The following MED13 variants were observed in gnomAD, a reference collection of about 807,000 sequenced individuals.
MED13 encodes the protein mediator complex subunit 13, also known as mediator of RNA polymerase II transcription subunit 13.
In MED13, 23 loss-of-function variants were observed where a neutral mutation model predicts 225.2. The ratio of observed to expected loss-of-function variants is 0.10; its 90% CI spans 0.07 to 0.14. The LOEUF (loss-of-function observed/expected upper bound fraction) is 0.14. Among genes scored for constraint, MED13 ranks in the 10% least tolerant of loss-of-function variants. The pLI is 1.00. For synonymous variants in MED13, 942 were observed against 889.2 expected (o/e 1.06, Z -1.06); for missense variants, 2,197 against 2,594.5 (o/e 0.85, Z 3.33).
At chr17:62,059,020 CAG>C (rs1328913255) in intron 2 of MED13, among the ~76,000 whole-genome samples, 1 of 152,152 alleles carries the variant, frequency 6.6e-6, no homozygotes, top group African/African-American at 2.4e-5. Context: ...GGAATCTGAA[CAG>C]ATTCTTCAGA....
Position 62,010,858 on chromosome 17 carries a change from T to G in MED13, c.1659A>C (p.Ser553=). ...GATAAAAATGTTGACTCTGAGGAGT[T>G]GAAGGTGTTTTAGTCACTCCTTCAT... The part of the protein sequence containing the change: ...VVDEGVTKTP[S]TPQSQHFYQM... The change falls in exon 9 of 30, where the codon TCA becomes TCC. Residue 553 remains serine (S), a synonymous_variant. Transcript: ENST00000397786. The G allele has an allele frequency of 1.2e-6, 2 of 1,614,266 alleles. No individual in the cohort carries two copies. The highest frequency in any genetic ancestry group is 1.3e-5 in the African/African-American group (1 of 75,070).
At chr17:62,025,737 CT>C (rs1346454723) in intron 8 of MED13, among the ~76,000 whole-genome samples, 1 of 152,200 alleles carries the variant, frequency 6.6e-6, no homozygotes, top group African/African-American at 2.4e-5. Context: ...GAATTCATCA[CT>C]GTTTGCTGAC....
rs181691229 is a variant in MED13, at chr17:61,974,023, C to G, written c.3806-1135G>C. On this transcript the variant is annotated intron_variant, in intron 16 of 29. Transcript: ENST00000397786. ...CAAAAACAAAAAAAAGTGTACGGAA[C>G]TAGATAAAACTAAGTTCCAAATACA... Among the ~76,000 whole-genome samples the G allele has an allele frequency of 8.5e-5, 13 of 152,128 alleles. No homozygotes were observed. In the East Asian group the frequency reaches 2.5e-3, roughly 29 times the overall value.
intron 26 of MED13, among the ~76,000 whole-genome samples, chr17:61,954,470 A>C (rs113569696): frequency 2.0e-5 from 3 of 152,270 alleles, no homozygotes; most frequent in African/African-American, 7.2e-5. Flanking sequence ...GTGACCAACT[A>C]TTGCCTTTTA....
At position 61,944,214 on chromosome 17, in the gene MED13, A is replaced by T. The variant is rs957355147; in HGVS notation, c.*2254T>A. ...AATAACCTGTCAGGGAATAATTTTA[A>T]ATCTACTTTCAAATTGAGGTGTGGT... On this transcript the variant is annotated 3_prime_UTR_variant, in exon 30 of 30. Transcript: ENST00000397786. 6.6e-6 allele frequency: 1 copy of T among 152,576 alleles called. No homozygotes were observed. The highest frequency in any genetic ancestry group is 2.4e-5 in the African/African-American group (1 of 41,444). The allele number at this position is 152,576 out of a possible 1,614,324, so 9.5% of individuals were successfully genotyped here. A position where few individuals can be genotyped will look rare whatever the true frequency, so the allele number is the denominator to read the frequency against.
At chr17:61,971,132 A>G (rs1016140858) in intron 17 of MED13, among the ~76,000 whole-genome samples, 6 of 152,194 alleles carry the variant, frequency 3.9e-5, no homozygotes, top group Non-Finnish European at 8.8e-5. Flanking sequence ...GTATGTTCAT[A>G]AACACTGCAC....
At position 62,029,625 on chromosome 17, in the gene MED13, C is replaced by A; in HGVS notation, c.1199G>T (p.Gly400Val). The A allele has an allele frequency of 6.2e-7, 1 of 1,613,894 alleles. No homozygotes were observed. The highest frequency in any genetic ancestry group is 1.1e-5 in the South Asian group (1 of 90,990). The stretch of plus-strand genomic sequence containing the variant: ...AGCAGCTGTCGCTTCTTCGCATAGA[C>A]CACCTGATGAAGCAGAATACTTCCT... Reference protein sequence around the residue: ...NKRKYSASSGGLCEEATAAKV... With the variant: ...NKRKYSASSGVLCEEATAAKV... The change falls in exon 8 of 30, where the codon GGT (glycine) becomes GTT (valine). Residue 400 changes from glycine to valine, a missense_variant. Gly to Val is a moderately radical substitution (Grantham distance 109). Coordinates refer to ENST00000397786, the MANE Select transcript of MED13 (RefSeq NM_005121.3).
At position 61,985,008 on chromosome 17, in the gene MED13, G is replaced by A; in HGVS notation, c.2468C>T (p.Ser823Phe). 1.2e-6 allele frequency: 2 copies of A among 1,613,830 alleles called. No individual in the cohort carries two copies. The highest frequency in any genetic ancestry group is 2.2e-5 in the South Asian group (2 of 90,984). Residue 823 changes from serine (S) to phenylalanine (F), a missense_variant, in exon 13 of 30, where the codon TCT becomes TTT. This residue lies in a region of MED13 where 41 missense variants were observed against 55.8 expected (regional missense o/e 0.73). Coordinates refer to ENST00000397786, the MANE Select transcript of MED13 (RefSeq NM_005121.3). ...ESKTGNLDPL[S>F]CISTADLHKM... ...AGATGAGGGAAGCTTACTTATGCAAGATAACGGGTCCAGATTTCCTGTCTT... is the reference window on the plus strand; with the variant it reads ...AGATGAGGGAAGCTTACTTATGCAAAATAACGGGTCCAGATTTCCTGTCTT...
rs1207289272 is a variant in MED13, at chr17:61,982,416, C to A, written c.3587G>T (p.Cys1196Phe). The A allele has an allele frequency of 6.2e-7, 1 of 1,614,180 alleles. No homozygotes were observed. Among genetic ancestry groups the A allele is most frequent in the East Asian group, 2.2e-5 (1 of 44,886 alleles). The change falls in exon 16 of 30, where the codon TGC becomes TTC. Residue 1196 changes from cysteine (C) to phenylalanine (F), a missense_variant. Coordinates refer to ENST00000397786, the MANE Select transcript of MED13 (RefSeq NM_005121.3). ...TCCAAAGGGTGAAAATAAATTAGTG[C>A]ACTGATCTTGTAGCAATAATATCAA... ...DDLILLLQDQ[C>F]TNLFSPFGAA...
chr17:62,013,368 T>C (rs1255961658), intron 8 of MED13, among the ~76,000 whole-genome samples: 2 of 152,188 alleles, frequency 1.3e-5, no homozygotes, highest in Non-Finnish European at 2.9e-5. Context: ...TCTGGGAATG[T>C]ATGGTGTAGC....
chr17:61,990,466 G>A (rs957781303), intron 11 of MED13, among the ~76,000 whole-genome samples: 8 of 151,666 alleles, frequency 5.3e-5, no homozygotes, highest in African/African-American at 1.7e-4. Context: ...AATTATAACT[G>A]AAAAATGATT....
rs1282730317 is a variant in MED13 at position 61,984,721 on chromosome 17, G to C, written c.2621C>G (p.Ser874Cys). 1.2e-6 allele frequency: 2 copies of C among 1,613,912 alleles called. No homozygotes were observed. Among genetic ancestry groups the C allele is most frequent in the Non-Finnish European group, 1.7e-6 (2 of 1,179,920 alleles). Reference sequence around the variant, plus strand: ...AATTTTGAACTGCGCTCCTATACTAGAACTATTTCCTTCTAGAACAGTTCC... The same window carrying C: ...AATTTTGAACTGCGCTCCTATACTACAACTATTTCCTTCTAGAACAGTTCC... Reference protein sequence around the residue: ...PGGTVLEGNSSSIGAQFKIEV... With the variant: ...PGGTVLEGNSCSIGAQFKIEV... Residue 874 changes from serine (S) to cysteine (C), a missense_variant, in exon 14 of 30, where the codon TCT (serine) becomes TGT (cysteine). Coordinates refer to ENST00000397786, the MANE Select transcript of MED13 (RefSeq NM_005121.3).
chr17:61,965,882 T>C (rs190339381), intron 19 of MED13, among the ~76,000 whole-genome samples: 5 of 152,342 alleles, frequency 3.3e-5, no homozygotes, highest in Admixed American at 3.3e-4. Context: ...GTTCAAATTA[T>C]AGGAATGTCT....
At chr17:62,014,350 T>C (rs2080542317) in intron 8 of MED13, among the ~76,000 whole-genome samples, 1 of 147,684 alleles carries the variant, frequency 6.8e-6, no homozygotes, top group South Asian at 2.1e-4. Context: ...ACAGTTTCAC[T>C]CTGTCACCCA....
chr17:61,947,439 C>T (rs192967466), intron 28 of MED13, among the ~76,000 whole-genome samples: 39 of 152,164 alleles, frequency 2.6e-4, no homozygotes, highest in Non-Finnish European at 4.4e-4. Context: ...TTTCTAATTA[C>T]CTGCTAAGTC....
intron 16 of MED13, among the ~76,000 whole-genome samples, chr17:61,976,183 G>A (rs960939536): frequency 1.3e-5 from 2 of 152,110 alleles, no homozygotes; most frequent in Non-Finnish European, 2.9e-5. Context: ...ACTAATGAAT[G>A]GATAAATAAA....
chr17:61,999,435 A>G (rs1013984127), intron 9 of MED13, among the ~76,000 whole-genome samples: 4 of 152,226 alleles, frequency 2.6e-5, no homozygotes, highest in East Asian at 1.9e-4. Context: ...AAATTTTGCT[A>G]TCTTTAAAAT....
intron 4 of MED13, among the ~76,000 whole-genome samples, chr17:62,034,404 T>C (rs923834296): frequency 6.6e-6 from 1 of 151,406 alleles, no homozygotes; most frequent in Admixed American, 6.6e-5. Flanking sequence ...GGAGAACTGC[T>C]TGAACCCGGG....
chr17:62,050,769 C>T (rs562268979), intron 3 of MED13, among the ~76,000 whole-genome samples: 2 of 152,084 alleles, frequency 1.3e-5, no homozygotes, highest in Admixed American at 6.5e-5. Context: ...TTTAGGAGGC[C>T]GAGGCGGGTG....
Sources: allele counts gnomAD v4.1 joint callset (sites outside exome capture counted in the v4.1 genomes callset), GRCh38; gene constraint gnomAD v4.1.1; regional missense constraint gnomAD v4.1.1; transcripts MANE v1.5; gene names NCBI Gene and HGNC (gene_info 2026-07-23, HGNC 2026-07-21).